The following PAPSS2 variants were observed in gnomAD, a reference collection of about 807,000 sequenced individuals.
PAPSS2 encodes bifunctional 3'-phosphoadenosine 5'-phosphosulfate synthase 2.
In PAPSS2, 61 loss-of-function variants were observed where a neutral mutation model predicts 66.5. The observed-to-expected ratio is 0.92, with a 90% CI of 0.75 to 1.14. PAPSS2 has a LOEUF of 1.14. PAPSS2 is among the 50% of genes most tolerant of loss of function. PAPSS2 has a pLI of 0.00. For synonymous variants in PAPSS2, 289 were observed against 287.5 expected (o/e 1.01, Z -0.05); for missense variants, 708 against 789.6 (o/e 0.90, Z 1.24).
At chr10:87,699,727 G>C (rs1271591142) in intron 1 of PAPSS2, among the ~76,000 whole-genome samples, 1 of 151,016 alleles carries the variant, frequency 6.6e-6, no homozygotes, top group Non-Finnish European at 1.5e-5. Flanking sequence ...GTGTGCGCCT[G>C]TAATCCCAGA....
chr10:87,668,658 ATGTGTGTGTGTGTG>A (rs58768390), intron 1 of PAPSS2, among the ~76,000 whole-genome samples: 33 of 149,150 alleles, frequency 2.2e-4, no homozygotes, highest in East Asian at 7.8e-4. Flanking sequence ...TACTTTAAAA[ATGTGTGTGTGTGTG>A]TGTGTGTGTG....
intron 1 of PAPSS2, among the ~76,000 whole-genome samples, chr10:87,688,536 C>G (rs1170617016): frequency 6.6e-6 from 1 of 151,498 alleles, no homozygotes; most frequent in East Asian, 1.9e-4. Flanking sequence ...CTCTGCTCAC[C>G]TCAAGCTCCG....
At chr10:87,668,822 G>A (rs1852843286) in intron 1 of PAPSS2, among the ~76,000 whole-genome samples, 2 of 152,086 alleles carry the variant, frequency 1.3e-5, no homozygotes, top group South Asian at 4.1e-4. Context: ...GCTTGACTGG[G>A]TGGGGATACT....
intron 9 of PAPSS2, among the ~76,000 whole-genome samples, chr10:87,738,239 T>A (rs1299023050): frequency 2.0e-5 from 3 of 152,224 alleles, no homozygotes; most frequent in Non-Finnish European, 4.4e-5. Flanking sequence ...CACCCATAAG[T>A]AGGATTGCTG....
chr10:87,707,564 C>CTTTTTTTTTTTTTT (rs747152482), intron 1 of PAPSS2, among the ~76,000 whole-genome samples: 677 of 93,884 alleles, frequency 7.2e-3, no homozygotes, highest in Non-Finnish European at 0.01. Flanking sequence ...TCTTTTTTTT[C>CTTTTTTTTTTTTTT]TTTTTTTTTT....
intron 9 of PAPSS2, among the ~76,000 whole-genome samples, chr10:87,739,163 C>T (rs1317344961): frequency 6.6e-6 from 1 of 152,088 alleles, no homozygotes; most frequent in Non-Finnish European, 1.5e-5. Context: ...GGTGTTTCAT[C>T]CATTTTGAGT....
At chr10:87,673,578 ATGTGTGTGTGTGTG>A (rs35768490) in intron 1 of PAPSS2, among the ~76,000 whole-genome samples, 2 of 148,080 alleles carry the variant, frequency 1.4e-5, no homozygotes, top group African/African-American at 2.5e-5. Flanking sequence ...GTATGTATTC[ATGTGTGTGTGTGTG>A]TGTGTGTGTG....
chr10:87,699,379 C>CT (rs1316212368), intron 1 of PAPSS2, among the ~76,000 whole-genome samples: 4 of 152,214 alleles, frequency 2.6e-5, no homozygotes, highest in African/African-American at 9.6e-5. Context: ...GCCTCCTGGG[C>CT]TCGAGGGGTC....
chr10:87,709,059 T>C (rs1853430798), intron 1 of PAPSS2, 137 bp from the exon 2 acceptor site: 1 of 599,532 alleles, frequency 1.7e-6, no homozygotes, highest in Non-Finnish European at 3.0e-6. Flanking sequence ...GGTGAGTCTC[T>C]TTCAAAATAT....
chr10:87,697,298 G>T (rs75541176), intron 1 of PAPSS2, among the ~76,000 whole-genome samples: 1 of 152,092 alleles, frequency 6.6e-6, no homozygotes, highest in South Asian at 2.1e-4. Context: ...CGTCCTGGCC[G>T]ATTGGCAACT....
Position 87,727,440 on chromosome 10 carries a change from G to C in PAPSS2, c.1037G>C (p.Arg346Pro), listed in dbSNP as rs752982930. 2.4e-5 allele frequency: 39 copies of C among 1,613,900 alleles called. 1 individual carries two copies. In the South Asian group the frequency reaches 4.1e-4, roughly 17 times the overall value. ...AEFYEHRKEE[R>P]CSRVWGTTCT... ...TTCTATGAACACAGAAAAGAGGAACGCTGTTCCCGTGTTTGGGGGACAACA... is the reference window on the plus strand; with the variant it reads ...TTCTATGAACACAGAAAAGAGGAACCCTGTTCCCGTGTTTGGGGGACAACA... The change falls in exon 9 of 13, where the codon CGC becomes CCC. Residue 346 changes from arginine (R) to proline (P), a missense_variant. Physicochemically the swap from Arg to Pro is moderately radical, Grantham distance 103. Coordinates refer to ENST00000456849, the MANE Select transcript of PAPSS2 (RefSeq NM_001015880.2).
chr10:87,735,061 T>C (rs1279653667), intron 9 of PAPSS2, among the ~76,000 whole-genome samples: 1 of 152,178 alleles, frequency 6.6e-6, no homozygotes, highest in Non-Finnish European at 1.5e-5. Context: ...TATTTGCTAC[T>C]TCACTGGGCT....
intron 1 of PAPSS2, among the ~76,000 whole-genome samples, chr10:87,665,285 C>T (rs1306167209): frequency 1.3e-5 from 2 of 151,924 alleles, no homozygotes; most frequent in African/African-American, 4.8e-5. Context: ...GATCTCAGCT[C>T]ACTGCAAGTT....
In PAPSS2 at chr10:87,659,903, G is replaced by GCTC. The variant is rs1458590717; in HGVS notation, c.-77_-76insCCT. The GCTC allele has an allele frequency of 6.8e-7, 1 of 1,463,850 alleles. No homozygotes were observed. The highest frequency in any genetic ancestry group is 1.4e-5 in the African/African-American group (1 of 71,922). 90.7% of individuals were successfully genotyped at this position (1,463,850 alleles called of 1,614,324 possible). ...AGCCGCTGCTGCTGCTGCTGCTGCT[G>GCTC]CTGCCGCCGCCGCCGCCGCCGTCCC... On this transcript the variant is annotated 5_prime_UTR_variant, in exon 1 of 13. Transcript: ENST00000456849.
intron 10 of PAPSS2, among the ~76,000 whole-genome samples, chr10:87,742,845 G>A (rs887785513): frequency 3.9e-5 from 6 of 152,188 alleles, no homozygotes; most frequent in African/African-American, 1.4e-4. Context: ...CTGTCCCTAA[G>A]CAGCTTCCTG....
At chr10:87,694,968 C>T (rs530018438) in intron 1 of PAPSS2, among the ~76,000 whole-genome samples, 22 of 152,268 alleles carry the variant, frequency 1.4e-4, no homozygotes, top group Middle Eastern at 3.4e-3. Flanking sequence ...GGGATATTTA[C>T]GCACAGCAAT....
rs531416121 is a variant in PAPSS2, at chr10:87,661,412, CT to C, written c.27+1406del. The stretch of plus-strand genomic sequence containing the variant: ...TTTTTGAAATAATAAATGAAAATCA[CT>C]TGTATTTTGTTCCTATTTAATGCGA... On this transcript the variant is annotated intron_variant, in intron 1 of 12. Coordinates refer to ENST00000456849, the MANE Select transcript of PAPSS2 (RefSeq NM_001015880.2). Among the ~76,000 whole-genome samples, 117 of 152,206 alleles carry C rather than the reference CT, an allele frequency of 7.7e-4. 1 individual carries two copies. The highest frequency in any genetic ancestry group is 1.3e-3 in the Non-Finnish European group (88 of 68,028).
At chr10:87,728,288 AAAGTCATATACTAC>A (rs1300391152) in intron 9 of PAPSS2, among the ~76,000 whole-genome samples, 1 of 152,168 alleles carries the variant, frequency 6.6e-6, no homozygotes, top group Non-Finnish European at 1.5e-5. Flanking sequence ...GGAAATGAAA[AAAGTCATATACTAC>A]TAATTTGACT....
chr10:87,745,327 C>G, intron 12 of PAPSS2, 96 bp downstream of exon 12: 1 of 922,752 alleles, frequency 1.1e-6, no homozygotes, highest in Non-Finnish European at 1.7e-6. Flanking sequence ...AGTGCATTGC[C>G]ACATGCTCCC....
Sources: gnomAD v4.1 joint callset for allele counts (sites outside exome capture counted in the v4.1 genomes callset) on GRCh38, gnomAD v4.1.1 for gene constraint, MANE v1.5 for transcripts, NCBI Gene and HGNC (gene_info 2026-07-23, HGNC 2026-07-21) for gene names.